Variants in GNAI1 observed in about 807,000 individuals in gnomAD.
The protein encoded by GNAI1 is guanine nucleotide-binding protein G(i) subunit alpha-1.
A neutral mutation model predicts 38.9 loss-of-function variants in GNAI1; 11 were observed. The observed-to-expected ratio is 0.28, with a 90% CI of 0.18 to 0.47. The LOEUF is 0.47. Ranked by LOEUF, GNAI1 falls within the 20% of genes least tolerant of loss-of-function variation. GNAI1 has a pLI of 0.99. For synonymous variants in GNAI1, 166 were observed against 145.1 expected (o/e 1.14, Z -1.04); for missense variants, 317 against 436.9 (o/e 0.73, Z 2.45).
At chr7:80,149,931 C>T (rs1378251263) in intron 1 of GNAI1, among the ~76,000 whole-genome samples, 1 of 152,076 alleles carries the variant, frequency 6.6e-6, no homozygotes, top group Non-Finnish European at 1.5e-5. Context: ...TTGATTAATT[C>T]ACGTTAGCAT....
chr7:80,192,059 A>C (rs1261503097), intron 3 of GNAI1, among the ~76,000 whole-genome samples: 1 of 152,156 alleles, frequency 6.6e-6, no homozygotes, highest in Non-Finnish European at 1.5e-5. Flanking sequence ...ACCTTTTCAC[A>C]TTGATTCTGT....
In GNAI1 at chr7:80,219,368, TAATA is replaced by T. The variant is rs760006877; in HGVS notation, c.*1879_*1882del. 1.3e-4 allele frequency: 20 copies of T among 152,744 alleles called. No homozygotes were observed. The highest frequency in any genetic ancestry group is 2.9e-4 in the African/African-American group (12 of 41,578). The allele number at this position is 152,744 out of a possible 1,614,324, so 9.5% of individuals were successfully genotyped here. ...TGAACTTTATTCTGTGTAATTGTGT[TAATA>T]AATCCTAATAAATTTAAATTTTTAA... On this transcript the variant is annotated 3_prime_UTR_variant, in exon 8 of 8. Coordinates refer to ENST00000649796, the MANE Select transcript of GNAI1 (RefSeq NM_002069.6).
rs183072232 is a variant in GNAI1, at chr7:80,140,487, A to G, written c.118+5209A>G. 2.5e-3 allele frequency among the ~76,000 whole-genome samples: 381 copies of G among 152,298 alleles called. 1 individual carries two copies. Among genetic ancestry groups the G allele is most frequent in the Middle Eastern group, 0.014 (4 of 294 alleles). On this transcript the variant is annotated intron_variant, in intron 1 of 7. Transcript: ENST00000649796. ...ACTGCCTTGGAAAATTCTGTGTACA[A>G]CAAATTCACACAGGAAGACCTGAGT...
intron 3 of GNAI1, among the ~76,000 whole-genome samples, chr7:80,197,215 A>G (rs1562839922): frequency 7.1e-6 from 1 of 141,734 alleles, no homozygotes; most frequent in African/African-American, 2.7e-5. Context: ...GGAGGACATT[A>G]TGCTTAGTGA....
chr7:80,137,531 G>A (rs1052312822), intron 1 of GNAI1, among the ~76,000 whole-genome samples: 2 of 151,794 alleles, frequency 1.3e-5, no homozygotes, highest in Non-Finnish European at 2.9e-5. Context: ...TGTTGGCCAC[G>A]CTGGTCTCCA....
intron 1 of GNAI1, among the ~76,000 whole-genome samples, chr7:80,171,760 A>G (rs146586007): frequency 1.4e-3 from 206 of 152,306 alleles, no homozygotes; most frequent in Admixed American, 2.6e-3. Context: ...GTTACACAGT[A>G]TGACTTCTCT....
chr7:80,155,339 T>C (rs567579285), intron 1 of GNAI1, among the ~76,000 whole-genome samples: 63 of 152,302 alleles, frequency 4.1e-4, no homozygotes, highest in Middle Eastern at 3.4e-3. Flanking sequence ...CATTGATACA[T>C]TATCAACTTC....
rs1240389230 is a variant in GNAI1, at chr7:80,223,004, A to G, written c.*5511A>G. On this transcript the variant is annotated 3_prime_UTR_variant, in exon 8 of 8. Coordinates refer to ENST00000649796, the MANE Select transcript of GNAI1 (RefSeq NM_002069.6). ...ATAGCATAAAGCCTATTTTACAATA[A>G]AGGATATCTCATGTAATTTTCTTGG... is the stretch of plus-strand genomic sequence containing the variant. Among the ~76,000 whole-genome samples the G allele has an allele frequency of 1.3e-5, 2 of 152,262 alleles. No homozygotes were observed. Among genetic ancestry groups the G allele is most frequent in the African/African-American group, 4.8e-5 (2 of 41,476 alleles).
At chr7:80,214,707 A>T (rs200456345) in intron 7 of GNAI1, among the ~76,000 whole-genome samples, 3 of 152,288 alleles carry the variant, frequency 2.0e-5, no homozygotes, top group Admixed American at 1.3e-4. Flanking sequence ...GTGGCTGTGG[A>T]AGAACCCTGT....
In GNAI1 at chr7:80,224,556, T is replaced by C. The variant is rs569663957; in HGVS notation, c.*7063T>C. Reference sequence around the variant, plus strand: ...TTCACAAGGGTGCCACATGGTGTAGTGCAGCATGTCCAACAGCATTGCCTG... The same window carrying C: ...TTCACAAGGGTGCCACATGGTGTAGCGCAGCATGTCCAACAGCATTGCCTG... On this transcript the variant is annotated 3_prime_UTR_variant, in exon 8 of 8. Coordinates refer to ENST00000649796, the MANE Select transcript of GNAI1 (RefSeq NM_002069.6). 1.3e-4 allele frequency among the ~76,000 whole-genome samples: 20 copies of C among 152,372 alleles called. No individual in the cohort carries two copies. The highest frequency in any genetic ancestry group is 1.3e-3 in the Admixed American group (20 of 15,306).
At chr7:80,137,093 A>G (rs1787428409) in intron 1 of GNAI1, among the ~76,000 whole-genome samples, 1 of 152,080 alleles carries the variant, frequency 6.6e-6, no homozygotes, top group Non-Finnish European at 1.5e-5. Context: ...GTTTCCACAT[A>G]TTGCTAGAAG....
intron 1 of GNAI1, among the ~76,000 whole-genome samples, chr7:80,177,676 G>A (rs889847689): frequency 3.3e-5 from 5 of 152,122 alleles, no homozygotes; most frequent in Admixed American, 2.0e-4. Flanking sequence ...TGGGGGTCTT[G>A]TAATGTTGTC....
chr7:80,196,500 T>G (rs1005143707), intron 3 of GNAI1, among the ~76,000 whole-genome samples: 4 of 152,014 alleles, frequency 2.6e-5, no homozygotes, highest in African/African-American at 9.7e-5. Context: ...TGCAAAGACC[T>G]CATTCCATGG....
chr7:80,194,444 T>C (rs1394028574), intron 3 of GNAI1, among the ~76,000 whole-genome samples: 3 of 152,162 alleles, frequency 2.0e-5, no homozygotes, highest in South Asian at 2.1e-4. Context: ...TATGGTAATA[T>C]TGTATTTTAA....
At chr7:80,172,202 G>C (rs1788108447) in intron 1 of GNAI1, among the ~76,000 whole-genome samples, 1 of 152,160 alleles carries the variant, frequency 6.6e-6, no homozygotes, top group Non-Finnish European at 1.5e-5. Context: ...TTGGAGGTTC[G>C]TAAAAAGAGG....
At position 80,140,124 on chromosome 7, in the gene GNAI1, C is replaced by T. The variant is rs187368977; in HGVS notation, c.118+4846C>T. Among the ~76,000 whole-genome samples the T allele has an allele frequency of 6.4e-4, 98 of 152,178 alleles. No individual in the cohort carries two copies. In the East Asian group the frequency reaches 0.013, roughly 20 times the overall value. On this transcript the variant is annotated intron_variant, in intron 1 of 7. Transcript: ENST00000649796. ...TCAGCCTCTCAAGTAGCTGGGACTA[C>T]AGGTGCCTGCCACCACGCCCGGCTA...
Position 80,225,915 on chromosome 7 carries a change from A to G in GNAI1, c.*8422A>G, listed in dbSNP as rs971935469. On this transcript the variant is annotated 3_prime_UTR_variant, in exon 8 of 8. Transcript: ENST00000649796. Reference sequence around the variant, plus strand: ...CACACACACATCTGTGAGAATGATTATTTTCTACTTGATACAGTGTGCATC... The same window carrying G: ...CACACACACATCTGTGAGAATGATTGTTTTCTACTTGATACAGTGTGCATC... 6.6e-6 allele frequency among the ~76,000 whole-genome samples: 1 copy of G among 152,140 alleles called. No individual in the cohort carries two copies. The highest frequency in any genetic ancestry group is 2.4e-5 in the African/African-American group (1 of 41,546).
chr7:80,211,462 G>C (rs557092992), intron 6 of GNAI1, among the ~76,000 whole-genome samples: 1 of 146,010 alleles, frequency 6.8e-6, no homozygotes, highest in Non-Finnish European at 1.5e-5. Flanking sequence ...CCTGTTGCCA[G>C]ACTGGAGTGC....
At chr7:80,176,086 T>C (rs1584028371) in intron 1 of GNAI1, among the ~76,000 whole-genome samples, 1 of 152,202 alleles carries the variant, frequency 6.6e-6, no homozygotes, top group Non-Finnish European at 1.5e-5. Context: ...AAGTTGTGAA[T>C]GTAAAGGAAA....
Sources: gnomAD v4.1 joint callset for allele counts (sites outside exome capture counted in the v4.1 genomes callset) on GRCh38, gnomAD v4.1.1 for gene constraint, MANE v1.5 for transcripts, NCBI Gene and HGNC (gene_info 2026-07-23, HGNC 2026-07-21) for gene names.